Variants in SLC35F4 observed in about 807,000 individuals in gnomAD.
The protein encoded by SLC35F4 is chromosome 14 open reading frame 36.
SLC35F4 carries 24 observed loss-of-function variants against 44.2 expected under a neutral mutation model. The observed-to-expected ratio is 0.54, with a 90% CI of 0.39 to 0.76. The LOEUF is 0.76. SLC35F4 is among the 30% of genes least tolerant of loss of function. SLC35F4 has a pLI of 0.00. For synonymous variants in SLC35F4, 238 were observed against 223.6 expected (o/e 1.06, Z -0.57); for missense variants, 562 against 586.1 (o/e 0.96, Z 0.42).
intron 1 of SLC35F4, among the ~76,000 whole-genome samples, chr14:57,808,816 T>C (rs758712728): frequency 6.6e-6 from 1 of 152,054 alleles, no homozygotes; most frequent in Non-Finnish European, 1.5e-5. Context: ...AAAAAGAAAA[T>C]TTTTTCTCAT....
At chr14:57,581,792 G>A (rs1334575898) in intron 3 of SLC35F4, among the ~76,000 whole-genome samples, 1 of 152,230 alleles carries the variant, frequency 6.6e-6, no homozygotes, top group Non-Finnish European at 1.5e-5. Context: ...AAACGAGAGA[G>A]GGTCAAGGCT....
chr14:57,875,524 T>C (rs918716188), intron 1 of SLC35F4, among the ~76,000 whole-genome samples: 1 of 152,164 alleles, frequency 6.6e-6, no homozygotes, highest in Non-Finnish European at 1.5e-5. Context: ...GCTTATGCAT[T>C]TGTGGTCAGC....
At chr14:57,721,165 T>G (rs2076078548) in intron 1 of SLC35F4, among the ~76,000 whole-genome samples, 3 of 151,670 alleles carry the variant, frequency 2.0e-5, no homozygotes, top group South Asian at 2.1e-4. Context: ...TTGGGGTTTT[T>G]GGCATTGCTT....
chr14:57,578,190 TA>T (rs1052861876), intron 4 of SLC35F4, among the ~76,000 whole-genome samples: 1 of 152,072 alleles, frequency 6.6e-6, no homozygotes, highest in Non-Finnish European at 1.5e-5. Flanking sequence ...CTTCTCATTT[TA>T]AATGTGCTCA....
At chr14:57,853,585 T>C (rs953738407) in intron 1 of SLC35F4, among the ~76,000 whole-genome samples, 2 of 152,146 alleles carry the variant, frequency 1.3e-5, no homozygotes, top group African/African-American at 4.8e-5. Flanking sequence ...AAAATGTCTC[T>C]TTCCCCAGGA....
chr14:57,596,881 A>G, intron 1 of SLC35F4: 2 of 1,367,484 alleles, frequency 1.5e-6, no homozygotes, highest in South Asian at 1.1e-5. Flanking sequence ...GAAGAGATCC[A>G]AGAGTAGTTC....
chr14:57,954,169 GA>G (rs1283801960), intron 1 of SLC35F4, among the ~76,000 whole-genome samples: 6 of 152,164 alleles, frequency 3.9e-5, no homozygotes, highest in Non-Finnish European at 4.4e-5. Context: ...ACCTGCTCCT[GA>G]ATGACTACTG....
chr14:57,849,476 T>A (rs1886354171), intron 1 of SLC35F4, among the ~76,000 whole-genome samples: 1 of 152,144 alleles, frequency 6.6e-6, no homozygotes, highest in African/African-American at 2.4e-5. Flanking sequence ...AAAATTTTTT[T>A]TTAAATTTTA....
At chr14:57,587,265 C>T (rs1594956424) in intron 3 of SLC35F4, among the ~76,000 whole-genome samples, 1 of 152,170 alleles carries the variant, frequency 6.6e-6, no homozygotes, top group South Asian at 2.1e-4. Flanking sequence ...ACTCAGCAAT[C>T]CCATAACTGG....
At chr14:57,965,261 G>T (rs1315786181) in intron 1 of SLC35F4, among the ~76,000 whole-genome samples, 2 of 152,022 alleles carry the variant, frequency 1.3e-5, no homozygotes, top group Non-Finnish European at 2.9e-5. Flanking sequence ...TTGAGTTATT[G>T]TTCCTTCCTC....
intron 1 of SLC35F4, among the ~76,000 whole-genome samples, chr14:57,681,910 G>T (rs936657987): frequency 6.6e-6 from 1 of 151,352 alleles, no homozygotes; most frequent in Non-Finnish European, 1.5e-5. Context: ...ATCATCACTG[G>T]ACATTAGAGA....
At chr14:57,778,233 C>A (rs1351901494) in intron 1 of SLC35F4, among the ~76,000 whole-genome samples, 1 of 152,210 alleles carries the variant, frequency 6.6e-6, no homozygotes, top group East Asian at 1.9e-4. Flanking sequence ...CCACATGGAA[C>A]TATAAGCCCA....
At chr14:57,935,719 C>T (rs1889783422) in intron 1 of SLC35F4, among the ~76,000 whole-genome samples, 1 of 152,182 alleles carries the variant, frequency 6.6e-6, no homozygotes, top group South Asian at 2.1e-4. Context: ...CTTTACCATA[C>T]CCATATATCC....
At chr14:57,632,379 GAA>G (rs889560799) in intron 1 of SLC35F4, among the ~76,000 whole-genome samples, 1 of 151,472 alleles carries the variant, frequency 6.6e-6, no homozygotes, top group African/African-American at 2.4e-5. Flanking sequence ...CAAAATGAAG[GAA>G]AAAAAAGAGT....
chr14:57,901,747 C>T (rs904170990), intron 1 of SLC35F4, among the ~76,000 whole-genome samples: 19 of 152,100 alleles, frequency 1.2e-4, no homozygotes, highest in African/African-American at 4.6e-4. Context: ...ATGTAGAGTG[C>T]TCCAATGTTA....
chr14:57,784,230 T>G (rs575367337), intron 1 of SLC35F4, among the ~76,000 whole-genome samples: 1 of 152,188 alleles, frequency 6.6e-6, no homozygotes, highest in South Asian at 2.1e-4. Flanking sequence ...GAGAAAGACA[T>G]AGAAGAAGCA....
chr14:57,895,085 G>A (rs1477890042), intron 1 of SLC35F4, among the ~76,000 whole-genome samples: 3 of 152,050 alleles, frequency 2.0e-5, no homozygotes, highest in Non-Finnish European at 4.4e-5. Flanking sequence ...CAGAAAGGGA[G>A]GCTACCTGGG....
intron 1 of SLC35F4, among the ~76,000 whole-genome samples, chr14:57,950,091 A>C (rs1890107343): frequency 6.6e-6 from 1 of 152,198 alleles, no homozygotes; most frequent in African/African-American, 2.4e-5. Context: ...AGGCCAGGGA[A>C]GTTCTCCTCA....
chr14:57,968,474 T>C (rs545378094), intron 1 of SLC35F4, among the ~76,000 whole-genome samples: 3 of 152,224 alleles, frequency 2.0e-5, no homozygotes, highest in Non-Finnish European at 4.4e-5. Flanking sequence ...GTCATTTAAA[T>C]GGTTGTTAAT....
Sources: allele counts gnomAD v4.1 joint callset (sites outside exome capture counted in the v4.1 genomes callset), GRCh38; gene constraint gnomAD v4.1.1; transcripts MANE v1.5; gene names NCBI Gene and HGNC (gene_info 2026-07-23, HGNC 2026-07-21).